Variants in FNBP4 observed in about 807,000 individuals in gnomAD.
FNBP4 encodes the protein formin binding protein 4.
In FNBP4, 34 loss-of-function variants were observed where a neutral mutation model predicts 119.3. The ratio of observed to expected loss-of-function variants is 0.28; its 90% CI spans 0.22 to 0.38. The LOEUF is 0.38. Ranked by LOEUF, FNBP4 falls within the 10% of genes least tolerant of loss-of-function variation. The probability of loss-of-function intolerance (pLI) is 1.00; values close to 1 mark genes in which losing one functional copy is unlikely to be tolerated. For missense variants in FNBP4, 1,112 were observed against 1,228.9 expected, an observed-to-expected ratio of 0.90 and a Z score of 1.42; for synonymous variants, 462 against 430.6, an observed-to-expected ratio of 1.07 and a Z score of -0.90.
At chr11:47,759,228 T>C (rs1599259508) in intron 2 of FNBP4, among the ~76,000 whole-genome samples, 1 of 125,246 alleles carries the variant, frequency 8.0e-6, no homozygotes, top group Non-Finnish European at 1.7e-5. Flanking sequence ...TTTTTTTTTT[T>C]GGTATGGAGT....
chr11:47,732,644 C>T lies in FNBP4; in HGVS notation c.1713G>A (p.Gly571=). Residue 571 remains glycine, a synonymous_variant, in exon 11 of 17, where the codon GGG becomes GGA. Coordinates refer to ENST00000263773, the MANE Select transcript of FNBP4 (RefSeq NM_015308.5). This position sits in a 1 kb window ranked among gnomAD's most constrained non-coding sequence, Gnocchi z 4.2. ...TETRIADWRE[G]ALNGNYLKRK... ...GTTTAAGGTAGTTTCCATTAAGAGCCCCTTCCCGCCAGTCTGCAATTCGAG... is the reference window on the plus strand; with the variant it reads ...GTTTAAGGTAGTTTCCATTAAGAGCTCCTTCCCGCCAGTCTGCAATTCGAG... 1 of 1,614,154 alleles carries T rather than the reference C, an allele frequency of 6.2e-7. No homozygotes were observed. The highest frequency in any genetic ancestry group is 8.5e-7 in the Non-Finnish European group (1 of 1,180,030).
At chr11:47,739,541 G>C (rs2097578818) in intron 8 of FNBP4, among the ~76,000 whole-genome samples, 1 of 152,122 alleles carries the variant, frequency 6.6e-6, no homozygotes, top group Non-Finnish European at 1.5e-5. Context: ...CTTTACTGCT[G>C]TGAAACTAGA....
At chr11:47,733,103 A>G (rs1465173466) in intron 10 of FNBP4, among the ~76,000 whole-genome samples, 1 of 152,180 alleles carries the variant, frequency 6.6e-6, no homozygotes, top group African/African-American at 2.4e-5. Context: ...GGGCGACAAG[A>G]GTGAAACTCC....
chr11:47,736,582 A>T (rs1165051514), intron 9 of FNBP4, 34 bp downstream of exon 9: 2 of 1,513,886 alleles, frequency 1.3e-6, no homozygotes, highest in South Asian at 1.2e-5. Context: ...ATAATAATAA[A>T]AATTTGTCAA....
At position 47,740,629 on chromosome 11, in the gene FNBP4, T is replaced by C. The variant is rs527882624; in HGVS notation, c.1456+3324A>G. ...TTTTTTCCCCGAGACAGTCTCACTC[T>C]GTCGCTTAGGCTGAAGTGCAGTGGC... On this transcript the variant is annotated intron_variant, in intron 8 of 16. Transcript: ENST00000263773. Among the ~76,000 whole-genome samples the C allele has an allele frequency of 2.0e-5, 3 of 151,370 alleles. 1 individual carries two copies. The South Asian group carries it at 6.2e-4, about 31-fold the overall frequency.
intron 8 of FNBP4, among the ~76,000 whole-genome samples, chr11:47,737,336 G>C (rs991648521): frequency 1.3e-5 from 2 of 152,086 alleles, no homozygotes; most frequent in Non-Finnish European, 2.9e-5. Flanking sequence ...TTCTCTTCCA[G>C]AATACCACTG....
intron 2 of FNBP4, among the ~76,000 whole-genome samples, chr11:47,756,544 T>A (rs1363797544): frequency 6.6e-6 from 1 of 151,948 alleles, no homozygotes; most frequent in East Asian, 1.9e-4. Flanking sequence ...TAGGTTAAGT[T>A]TTTTGTTGTT....
intron 7 of FNBP4, among the ~76,000 whole-genome samples, chr11:47,745,497 G>A (rs185734980): frequency 3.9e-5 from 6 of 152,124 alleles, no homozygotes; most frequent in African/African-American, 7.2e-5. Context: ...GGAAAAACCC[G>A]GCCCTGGTAA....
intron 8 of FNBP4, among the ~76,000 whole-genome samples, chr11:47,740,245 T>C (rs1048233592): frequency 6.6e-6 from 1 of 151,762 alleles, no homozygotes; most frequent in Non-Finnish European, 1.5e-5. Flanking sequence ...TAAAACCCTG[T>C]CTGTACTAAA....
In FNBP4 at chr11:47,720,090, T is replaced by C; in HGVS notation, c.2806-4A>G. 1 of 1,610,696 alleles carries C rather than the reference T, an allele frequency of 6.2e-7. No homozygotes were observed. ...TTTTGGTCTTACTCTTCTTTGCCTG[T>C]AACAAAGGTTAAAGGTCAAAAGGAA... On this transcript the variant is annotated splice_region_variant and splice_polypyrimidine_tract_variant and intron_variant, in intron 15 of 16. Transcript: ENST00000263773.
In FNBP4 at chr11:47,732,124, C is replaced by T. The variant is rs1054826113; in HGVS notation, c.1820+413G>A. 15 of 1,000,656 alleles carry T rather than the reference C, an allele frequency of 1.5e-5. No homozygotes were observed. The South Asian group carries it at 6.0e-4, about 40-fold the overall frequency. The allele number at this position is 1,000,656 out of a possible 1,614,324, so 62.0% of individuals were successfully genotyped here. A position where few individuals can be genotyped will look rare whatever the true frequency, so the allele number is the denominator to read the frequency against. On this transcript the variant is annotated intron_variant, in intron 11 of 16. Transcript: ENST00000263773. This position sits in a 1 kb window ranked among gnomAD's most constrained non-coding sequence, Gnocchi z 4.2. ...GAAATGTTTTCATCTGACCTGCTGG[C>T]AGAGGATAGTAATCTTGTTCTTCAT... is the stretch of plus-strand genomic sequence containing the variant.
chr11:47,756,469 T>C (rs1339047754), intron 2 of FNBP4, among the ~76,000 whole-genome samples: 1 of 152,200 alleles, frequency 6.6e-6, no homozygotes, highest in African/African-American at 2.4e-5. Context: ...CCATTAATCA[T>C]GTAGGAGTTC....
Position 47,729,008 on chromosome 11 carries a change from C to A in FNBP4, c.2008+2366G>T, listed in dbSNP as rs559548407. ...CTGGGATTACAGGCAGCTGCCACCA[C>A]GCCCAGCTAATTTTTGTACTTTTAG... On this transcript the variant is annotated intron_variant, in intron 12 of 16. Transcript: ENST00000263773. The A allele has an allele frequency of 1.1e-4, 24 of 227,446 alleles. No individual in the cohort carries two copies. The East Asian group carries it at 3.7e-3, about 35-fold the overall frequency. 14.1% of individuals were successfully genotyped at this position (227,446 alleles called of 1,614,324 possible). A position where few individuals can be genotyped will look rare whatever the true frequency, so the allele number is the denominator to read the frequency against.
At chr11:47,738,906 T>C (rs920715448) in intron 8 of FNBP4, among the ~76,000 whole-genome samples, 1 of 142,060 alleles carries the variant, frequency 7.0e-6, no homozygotes, top group African/African-American at 2.6e-5. Flanking sequence ...GGTTTTGCCA[T>C]GTTGGCCTGG....
chr11:47,737,996 G>C (rs567138336), intron 8 of FNBP4, among the ~76,000 whole-genome samples: 1 of 152,206 alleles, frequency 6.6e-6, no homozygotes, highest in South Asian at 2.1e-4. Context: ...GCCCGGCTAG[G>C]CCTCTCAAAG....
At chr11:47,724,812 A>G in intron 12 of FNBP4, 34 bp from the exon 13 acceptor site, 1 of 1,519,992 alleles carries the variant, frequency 6.6e-7, no homozygotes. Context: ...GGAAAAAGCA[A>G]GAAAAAAACT....
At chr11:47,717,948 T>A (rs947320742) in intron 16 of FNBP4, among the ~76,000 whole-genome samples, 23 of 151,406 alleles carry the variant, frequency 1.5e-4, no homozygotes, top group Non-Finnish European at 2.4e-4. Flanking sequence ...AGCGACAGGG[T>A]TTCTCCATGT....
chr11:47,754,553 T>C lies in FNBP4; in HGVS notation c.425A>G (p.Asp142Gly), dbSNP rs951241902. The C allele has an allele frequency of 3.7e-6, 6 of 1,614,116 alleles. No individual in the cohort carries two copies. The highest frequency in any genetic ancestry group is 4.2e-6 in the Non-Finnish European group (5 of 1,180,018). ...ETNGNQSTDI[D>G]STLANFLAEI... is the part of the protein sequence containing the mutation. ...CGCTAGGAAGTTGGCCAATGTACTA[T>C]CAATATCAGTTGACTGGTTTCCATT... Residue 142 changes from aspartate to glycine, a missense_variant, in exon 3 of 17, where the codon GAT becomes GGT. Physicochemically the swap from Asp to Gly is moderately conservative, Grantham distance 94. Around this residue, in one of 2 missense-constraint regions of FNBP4, gnomAD observed 286 missense variants for 240.1 expected, o/e 1.19. Coordinates refer to ENST00000263773, the MANE Select transcript of FNBP4 (RefSeq NM_015308.5).
At chr11:47,762,718 G>A (rs1407402362) in intron 2 of FNBP4, among the ~76,000 whole-genome samples, 1 of 151,290 alleles carries the variant, frequency 6.6e-6, no homozygotes, top group East Asian at 2.0e-4. Context: ...TTCCAGACCA[G>A]CCTGGCCAAC....
Sources: gnomAD v4.1 joint callset for allele counts (sites outside exome capture counted in the v4.1 genomes callset) on GRCh38, gnomAD v4.1.1 for gene constraint, gnomAD v4.1.1 regional missense constraint, Gnocchi (gnomAD v3.1) non-coding constraint, MANE v1.5 for transcripts, NCBI Gene and HGNC (gene_info 2026-07-23, HGNC 2026-07-21) for gene names.